Variants in ITGA11 observed in about 807,000 individuals in gnomAD.
The protein encoded by ITGA11 is integrin subunit alpha 11.
A neutral mutation model predicts 141.9 loss-of-function variants in ITGA11; 97 were observed. That is an observed-to-expected ratio of 0.68 (90% CI 0.58 to 0.81). ITGA11 has a LOEUF of 0.81. Ranked by LOEUF, ITGA11 falls within the 30% of genes least tolerant of loss-of-function variation. The pLI is 0.00. For synonymous variants in ITGA11, 658 were observed against 624.6 expected (o/e 1.05, Z -0.80); for missense variants, 1,387 against 1,559.2 (o/e 0.89, Z 1.86).
Position 68,339,576 on chromosome 15 carries a change from G to T in ITGA11, c.1200C>A (p.Ala400=), listed in dbSNP as rs760730392. The T allele has an allele frequency of 1.2e-6, 2 of 1,613,954 alleles. No homozygotes were observed. The highest frequency in any genetic ancestry group is 1.7e-6 in the Non-Finnish European group (2 of 1,179,880). Residue 400 remains alanine (A), a synonymous_variant, in exon 11 of 30, where the codon GCC becomes GCA. Transcript: ENST00000315757. The part of the protein sequence containing the change: ...WNGAVLKETS[A]GKVIPLRESY... ...ACTCGCGGAGAGGAATGACCTTCCC[G>T]GCACTCGTCTCCTTTAGCACAGCTC...
chr15:68,380,753 AGGT>A (rs928605773), intron 2 of ITGA11, among the ~76,000 whole-genome samples: 34 of 152,282 alleles, frequency 2.2e-4, no homozygotes, highest in African/African-American at 8.2e-4. Flanking sequence ...GCTGGGCCTG[AGGT>A]GGGATCTGGA....
chr15:68,404,320 G>A, intron 1 of ITGA11, among the ~76,000 whole-genome samples: 1 of 152,108 alleles, frequency 6.6e-6, no homozygotes, highest in Non-Finnish European at 1.5e-5. Context: ...CTTCTGCTTG[G>A]CCGGGGCAGC....
In ITGA11 at chr15:68,305,253, C is replaced by T. The variant is rs1893155138; in HGVS notation, c.3382-1368G>A. 6.6e-6 allele frequency among the ~76,000 whole-genome samples: 1 copy of T among 152,236 alleles called. No individual in the cohort carries two copies. Among genetic ancestry groups the T allele is most frequent in the South Asian group, 2.1e-4 (1 of 4,838 alleles). ...TCACGCAGCCACGAGACACTCCTGT[C>T]TTCCTCATGGTCTCTGTCTGATGTC... is the stretch of plus-strand genomic sequence containing the variant. On this transcript the variant is annotated intron_variant, in intron 28 of 29. Coordinates refer to ENST00000315757, the MANE Select transcript of ITGA11 (RefSeq NM_001004439.2). The surrounding 1 kb of genome is among the most constrained non-coding windows in gnomAD (Gnocchi z 4.6).
At position 68,303,238 on chromosome 15, in the gene ITGA11, T is replaced by C. The variant is rs1555444949; in HGVS notation, c.3496-108A>G. On this transcript the variant is annotated intron_variant, in intron 29 of 29. Coordinates refer to ENST00000315757, the MANE Select transcript of ITGA11 (RefSeq NM_001004439.2). This position sits in a 1 kb window ranked among gnomAD's most constrained non-coding sequence, Gnocchi z 5.3. Reference sequence around the variant, plus strand: ...TGGGATTCCTCCCTCAGGGCTTCCTTGAGTACCCCCAGCTCATTCTGAGCA... The same window carrying C: ...TGGGATTCCTCCCTCAGGGCTTCCTCGAGTACCCCCAGCTCATTCTGAGCA... 1 of 919,980 alleles carries C rather than the reference T, an allele frequency of 1.1e-6. No individual in the cohort carries two copies. Among genetic ancestry groups the C allele is most frequent in the Non-Finnish European group, 1.7e-6 (1 of 592,826 alleles). 57.0% of individuals were successfully genotyped at this position (919,980 alleles called of 1,614,324 possible).
At chr15:68,409,645 G>A (rs1465704678) in intron 1 of ITGA11, among the ~76,000 whole-genome samples, 2 of 152,040 alleles carry the variant, frequency 1.3e-5, no homozygotes, top group East Asian at 3.9e-4. Flanking sequence ...GGTAGGTACT[G>A]ATAGTCCCCT....
chr15:68,400,546 TATATATATA>T (rs946655977), intron 2 of ITGA11, among the ~76,000 whole-genome samples: 11 of 118,020 alleles, frequency 9.3e-5, no homozygotes, highest in African/African-American at 3.2e-4. Flanking sequence ...ATACAGAATA[TATATATATA>T]ATATATATAA....
intron 2 of ITGA11, among the ~76,000 whole-genome samples, chr15:68,373,723 G>A (rs543735070): frequency 1.3e-5 from 2 of 152,348 alleles, no homozygotes; most frequent in South Asian, 4.1e-4. Flanking sequence ...TGCTTGGGAT[G>A]CAGGTAGCAG....
chr15:68,381,449 A>T (rs1312678214), intron 2 of ITGA11, among the ~76,000 whole-genome samples: 1 of 152,208 alleles, frequency 6.6e-6, no homozygotes. Context: ...AAATAAATGG[A>T]TGCATGAATG....
intron 2 of ITGA11, among the ~76,000 whole-genome samples, chr15:68,378,080 G>A (rs1484173514): frequency 6.6e-6 from 1 of 152,254 alleles, no homozygotes; most frequent in African/African-American, 2.4e-5. Context: ...GGGTGTGCAG[G>A]CTGGAGTGTC....
chr15:68,382,956 A>C (rs1289808196), intron 2 of ITGA11, among the ~76,000 whole-genome samples: 1 of 152,212 alleles, frequency 6.6e-6, no homozygotes, highest in African/African-American at 2.4e-5. Context: ...TGAAAAAGAA[A>C]AGCTATTTGA....
At chr15:68,406,645 C>G (rs1336692642) in intron 1 of ITGA11, among the ~76,000 whole-genome samples, 1 of 152,118 alleles carries the variant, frequency 6.6e-6, no homozygotes, top group Non-Finnish European at 1.5e-5. Flanking sequence ...TAGAATATTC[C>G]TATAGTCTCT....
chr15:68,364,201 G>A (rs1411881004), intron 4 of ITGA11, among the ~76,000 whole-genome samples: 2 of 152,086 alleles, frequency 1.3e-5, no homozygotes, highest in Non-Finnish European at 2.9e-5. Flanking sequence ...TAGTTGAGAC[G>A]GCTTGTCACT....
At chr15:68,428,158 C>T (rs1045825232) in intron 1 of ITGA11, among the ~76,000 whole-genome samples, 1 of 152,112 alleles carries the variant, frequency 6.6e-6, no homozygotes, top group African/African-American at 2.4e-5. Flanking sequence ...GGAGAAGAAA[C>T]AGGGGCTTTT....
At chr15:68,350,888 G>T in intron 8 of ITGA11, 106 bp from the exon 9 acceptor site, 3 of 1,166,200 alleles carry the variant, frequency 2.6e-6, no homozygotes, top group Non-Finnish European at 3.6e-6. Flanking sequence ...TGGAGCCAGG[G>T]CCGGTAGCCA....
chr15:68,397,461 TTAA>T lies in ITGA11; in HGVS notation c.164+5454_164+5456del, dbSNP rs1316960288. Among the ~76,000 whole-genome samples the T allele has an allele frequency of 2.1e-3, 196 of 95,588 alleles. 34 individuals are homozygous for T. Among genetic ancestry groups the T allele is most frequent in the African/African-American group, 8.4e-3 (193 of 22,846 alleles). 62.7% of individuals were successfully genotyped at this position (95,588 alleles called of 152,430 possible). A position where few individuals can be genotyped will look rare whatever the true frequency, so the allele number is the denominator to read the frequency against. On this transcript the variant is annotated intron_variant, in intron 2 of 29. Coordinates refer to ENST00000315757, the MANE Select transcript of ITGA11 (RefSeq NM_001004439.2). ...AATAAATTAATAAAATATAAAATTA[TTAA>T]TATTTTAAAAATATTATAAAATATT...
At chr15:68,378,981 C>T (rs1339087066) in intron 2 of ITGA11, among the ~76,000 whole-genome samples, 2 of 152,298 alleles carry the variant, frequency 1.3e-5, no homozygotes, top group African/African-American at 2.4e-5. Flanking sequence ...AAGGTGACTG[C>T]AAAGGAAGTT....
chr15:68,307,703 G>C lies in ITGA11; in HGVS notation c.3175-7C>G, dbSNP rs374400559. 4 of 1,599,394 alleles carry C rather than the reference G, an allele frequency of 2.5e-6. No homozygotes were observed. Among genetic ancestry groups the C allele is most frequent in the African/African-American group, 1.3e-5 (1 of 74,622 alleles). On this transcript the variant is annotated splice_polypyrimidine_tract_variant and splice_region_variant and intron_variant, in intron 26 of 29. Coordinates refer to ENST00000315757, the MANE Select transcript of ITGA11 (RefSeq NM_001004439.2). The surrounding 1 kb of genome is among the most constrained non-coding windows in gnomAD (Gnocchi z 6.1). ...CATCAGAGTTGCTGTGATTCTGAAA[G>C]AGAAGATGGGTCTCAGGGCTGAGCT...
intron 15 of ITGA11, among the ~76,000 whole-genome samples, chr15:68,329,751 GCCACCA>G (rs971009284): frequency 1.3e-5 from 2 of 152,114 alleles, no homozygotes; most frequent in Non-Finnish European, 2.9e-5. Context: ...TGCTGTTGCT[GCCACCA>G]CCACCACCAC....
intron 2 of ITGA11, among the ~76,000 whole-genome samples, chr15:68,384,315 A>C (rs1895932436): frequency 6.6e-6 from 1 of 151,998 alleles, no homozygotes. Flanking sequence ...AGAAGAGGAA[A>C]AAAAATCACC....
Sources: allele counts gnomAD v4.1 joint callset (sites outside exome capture counted in the v4.1 genomes callset), GRCh38; gene constraint gnomAD v4.1.1; non-coding constraint Gnocchi (gnomAD v3.1); transcripts MANE v1.5; gene names NCBI Gene and HGNC (gene_info 2026-07-23, HGNC 2026-07-21).